Variants in ATP10D observed in about 807,000 individuals in gnomAD.
The protein encoded by ATP10D is phospholipid-transporting ATPase VD.
ATP10D carries 89 observed loss-of-function variants against 144.8 expected under a neutral mutation model. The observed-to-expected ratio is 0.61, with a 90% CI of 0.52 to 0.73. The LOEUF (loss-of-function observed/expected upper bound fraction) is 0.73. Among genes scored for constraint, ATP10D ranks in the 30% least tolerant of loss-of-function variants. ATP10D has a pLI of 0.00. For missense variants in ATP10D, 1,603 were observed against 1,714.8 expected (o/e 0.93, Z 1.15); for synonymous variants, 571 against 615.1 (o/e 0.93, Z 1.06).
intron 3 of ATP10D, among the ~76,000 whole-genome samples, chr4:47,517,702 G>A (rs1035631974): frequency 6.6e-6 from 1 of 152,058 alleles, no homozygotes; most frequent in African/African-American, 2.4e-5. Context: ...TTGTCACATC[G>A]AGTCATTTCA....
intron 3 of ATP10D, among the ~76,000 whole-genome samples, chr4:47,519,618 C>T (rs925622987): frequency 5.9e-5 from 9 of 152,192 alleles, no homozygotes; most frequent in African/African-American, 2.2e-4. Flanking sequence ...GTTGCTTTCC[C>T]ACCGTGCTCT....
intron 4 of ATP10D, 124 bp from the exon 5 acceptor site, chr4:47,525,433 A>G (rs977747497): frequency 1.5e-6 from 1 of 689,178 alleles, no homozygotes; most frequent in African/African-American, 1.8e-5. Flanking sequence ...TGGGAAATTC[A>G]TGATATGAAC....
At chr4:47,573,884 A>AT (rs11319483) in intron 18 of ATP10D, among the ~76,000 whole-genome samples, 19 of 150,474 alleles carry the variant, frequency 1.3e-4, no homozygotes, top group South Asian at 2.1e-4. Context: ...CAGTAGGAAC[A>AT]TTTTTTTTTT....
chr4:47,535,741 GTC>G, intron 6 of ATP10D, 126 bp downstream of exon 6: 1 of 1,316,796 alleles, frequency 7.6e-7, no homozygotes, highest in Non-Finnish European at 1.0e-6. Flanking sequence ...TTAATTATTG[GTC>G]TCTGTTTTTC....
intron 1 of ATP10D, among the ~76,000 whole-genome samples, chr4:47,491,770 C>T (rs933132001): frequency 1.9e-4 from 29 of 152,162 alleles, no homozygotes; most frequent in African/African-American, 6.5e-4. Flanking sequence ...GATTCTAAAC[C>T]AGGCTCACTT....
chr4:47,573,059 G>A, intron 18 of ATP10D, 62 bp downstream of exon 18: 1 of 1,572,622 alleles, frequency 6.4e-7, no homozygotes, highest in Non-Finnish European at 8.7e-7. Flanking sequence ...GTTGCATCAG[G>A]GATGAAGACG....
chr4:47,506,118 A>T (rs1716008718), intron 1 of ATP10D, among the ~76,000 whole-genome samples: 1 of 152,202 alleles, frequency 6.6e-6, no homozygotes, highest in South Asian at 2.1e-4. Context: ...AGTTTTTAAT[A>T]TCTTCTAGAA....
intron 14 of ATP10D, 88 bp downstream of exon 14, chr4:47,561,163 A>G (rs1280598775): frequency 2.6e-6 from 4 of 1,511,952 alleles, no homozygotes; most frequent in African/African-American, 2.7e-5. Flanking sequence ...TTCCATTGTT[A>G]TCTAATAAAC....
intron 9 of ATP10D, among the ~76,000 whole-genome samples, chr4:47,540,629 G>A (rs145207196): frequency 0.015 from 2,246 of 152,212 alleles, 46 homozygotes; most frequent in African/African-American, 0.051. Flanking sequence ...CCCTCATGCC[G>A]TTTCCCCTGC....
chr4:47,588,227 T>C (rs1319994236), intron 22 of ATP10D, among the ~76,000 whole-genome samples: 2 of 152,196 alleles, frequency 1.3e-5, no homozygotes, highest in Non-Finnish European at 2.9e-5. Flanking sequence ...GAAGAATACA[T>C]GGGTTTTTAA....
At chr4:47,539,660 G>A (rs368553454) in intron 9 of ATP10D, among the ~76,000 whole-genome samples, 4 of 152,084 alleles carry the variant, frequency 2.6e-5, no homozygotes, top group Admixed American at 6.6e-5. Flanking sequence ...ATAATGCTAC[G>A]CTAAACCTCT....
Position 47,512,549 on chromosome 4 carries a change from G to A in ATP10D, c.9G>A (p.Glu3=), listed in dbSNP as rs73138096. The change falls in exon 2 of 23, where the codon GAG becomes GAA. Residue 3 remains glutamate (E), a synonymous_variant. Coordinates refer to ENST00000273859, the MANE Select transcript of ATP10D (RefSeq NM_020453.4). ...CTTACCACAGTTTGGATATGACTGA[G>A]GCTCTCCAATGGGCCAGATATCACT... MT[E]ALQWARYHWR... The A allele has an allele frequency of 8.7e-5, 140 of 1,612,972 alleles. No homozygotes were observed. The African/African-American group carries it at 1.7e-3, about 19-fold the overall frequency.
chr4:47,552,874 T>TA (rs1263374251), intron 10 of ATP10D, among the ~76,000 whole-genome samples: 1 of 152,222 alleles, frequency 6.6e-6, no homozygotes, highest in East Asian at 1.9e-4. Flanking sequence ...AGCCTGCACA[T>TA]ACTAGCCTCT....
At chr4:47,516,033 C>T (rs1205397422) in intron 3 of ATP10D, among the ~76,000 whole-genome samples, 2 of 152,026 alleles carry the variant, frequency 1.3e-5, no homozygotes, top group African/African-American at 4.8e-5. Context: ...AGTTCAAGAC[C>T]AGCCTGACCA....
At chr4:47,521,148 T>C (rs1471242346) in intron 3 of ATP10D, among the ~76,000 whole-genome samples, 2 of 152,174 alleles carry the variant, frequency 1.3e-5, no homozygotes, top group Non-Finnish European at 2.9e-5. Context: ...ACCTTATCCT[T>C]ACCTGGAATC....
chr4:47,589,440 A>C (rs865967876), intron 22 of ATP10D, among the ~76,000 whole-genome samples: 13 of 152,150 alleles, frequency 8.5e-5, no homozygotes, highest in Non-Finnish European at 1.5e-4. Context: ...AGGCAGGATG[A>C]ATTTTGGCAC....
Position 47,535,573 on chromosome 4 carries a change from A to C in ATP10D, c.841A>C (p.Ile281Leu). 6.2e-7 allele frequency: 1 copy of C among 1,613,284 alleles called. No individual in the cohort carries two copies. The highest frequency in any genetic ancestry group is 8.5e-7 in the Non-Finnish European group (1 of 1,179,490). ...KENLLLRGCT[I>L]RNTEAVVGIV... ...AAATTTGTTGCTTAGAGGATGCACC[A>C]TTAGAAACACAGAGGCTGTTGTGGG... The change falls in exon 6 of 23, where the codon ATT becomes CTT. Residue 281 changes from isoleucine (I) to leucine (L), a missense_variant. Physicochemically the swap from Ile to Leu is conservative, Grantham distance 5. Transcript: ENST00000273859.
At chr4:47,545,766 T>A (rs1409455379) in intron 9 of ATP10D, among the ~76,000 whole-genome samples, 1 of 152,212 alleles carries the variant, frequency 6.6e-6, no homozygotes, top group Non-Finnish European at 1.5e-5. Flanking sequence ...TGTATTCTAC[T>A]GGATGATTCA....
chr4:47,488,188 T>A (rs1056413896), intron 1 of ATP10D, among the ~76,000 whole-genome samples: 2 of 152,254 alleles, frequency 1.3e-5, no homozygotes, highest in South Asian at 2.1e-4. Flanking sequence ...TTGATAAAAC[T>A]CAGTTACAAA....
Sources: gnomAD v4.1 joint callset for allele counts (sites outside exome capture counted in the v4.1 genomes callset) on GRCh38, gnomAD v4.1.1 for gene constraint, MANE v1.5 for transcripts, NCBI Gene and HGNC (gene_info 2026-07-23, HGNC 2026-07-21) for gene names.